The following ERBB4 variants were observed in gnomAD, a reference collection of about 807,000 sequenced individuals.
ERBB4 encodes the protein erb-b2 receptor tyrosine kinase 4.
ERBB4 carries 42 observed loss-of-function variants against 158.0 expected under a neutral mutation model. The observed-to-expected ratio is 0.27, with a 90% CI of 0.21 to 0.34. The LOEUF (loss-of-function observed/expected upper bound fraction) is 0.34. Among genes scored for constraint, ERBB4 ranks in the 10% least tolerant of loss-of-function variants. The pLI, the probability that ERBB4 is intolerant of heterozygous loss-of-function variation, is 1.00. For missense variants in ERBB4, 1,333 were observed against 1,624.1 expected, an observed-to-expected ratio of 0.82 and a Z score of 3.08; for synonymous variants, 583 against 558.7, an observed-to-expected ratio of 1.04 and a Z score of -0.61.
chr2:212,263,573 A>C (rs2085021471), intron 1 of ERBB4, among the ~76,000 whole-genome samples: 4 of 152,150 alleles, frequency 2.6e-5, no homozygotes, highest in African/African-American at 9.7e-5. Flanking sequence ...CAACATGGGA[A>C]AATAAATGAT....
chr2:211,573,552 C>G (rs2067800121), intron 19 of ERBB4, among the ~76,000 whole-genome samples: 1 of 152,046 alleles, frequency 6.6e-6, no homozygotes, highest in Admixed American at 6.6e-5. Context: ...AGCCTGTAGT[C>G]CCAGCTACCC....
At chr2:211,581,604 A>G (rs2068106554) in intron 19 of ERBB4, among the ~76,000 whole-genome samples, 1 of 152,136 alleles carries the variant, frequency 6.6e-6, no homozygotes, top group Admixed American at 6.6e-5. Flanking sequence ...TTTACCTCCA[A>G]TATGAGTAGA....
rs77707574 is a variant in ERBB4 at position 212,118,080 on chromosome 2, G to A, written c.234+6672C>T. 8.7e-3 allele frequency among the ~76,000 whole-genome samples: 1,317 copies of A among 152,220 alleles called. 20 individuals carry two copies. Among genetic ancestry groups the A allele is most frequent in the African/African-American group, 0.03 (1,253 of 41,542 alleles). On this transcript the variant is annotated intron_variant, in intron 2 of 27. Transcript: ENST00000342788. ...AGTTAAAAGTACATGAGGAAGATAT[G>A]GAAAACAGACACAAACATAAAAACC...
chr2:211,799,536 A>G (rs921904622), intron 3 of ERBB4, among the ~76,000 whole-genome samples: 6 of 152,194 alleles, frequency 3.9e-5, no homozygotes, highest in African/African-American at 1.2e-4. Context: ...AGAAATTGAT[A>G]TCTGCAGGGG....
intron 2 of ERBB4, 49 bp from the exon 3 acceptor site, chr2:211,947,665 C>G (rs2125139048): frequency 2.0e-6 from 3 of 1,494,604 alleles, no homozygotes; most frequent in East Asian, 4.6e-5. Flanking sequence ...ATTTGTCACT[C>G]TGTATATGTA....
At chr2:211,659,160 C>T (rs2071328722) in intron 15 of ERBB4, among the ~76,000 whole-genome samples, 1 of 147,670 alleles carries the variant, frequency 6.8e-6, no homozygotes, top group African/African-American at 2.5e-5. Context: ...TATAATATAC[C>T]TATAATACCA....
intron 1 of ERBB4, among the ~76,000 whole-genome samples, chr2:212,339,184 G>C (rs1014719783): frequency 2.0e-5 from 3 of 151,838 alleles, no homozygotes; most frequent in African/African-American, 7.3e-5. Flanking sequence ...ACCTCATCAG[G>C]CCCAGTGTGT....
At chr2:211,983,661 G>C (rs1056309225) in intron 2 of ERBB4, among the ~76,000 whole-genome samples, 2 of 152,012 alleles carry the variant, frequency 1.3e-5, no homozygotes, top group African/African-American at 4.8e-5. Context: ...AGAAATAAAA[G>C]AAAACACTGA....
At chr2:212,522,787 A>G (rs971035108) in intron 1 of ERBB4, among the ~76,000 whole-genome samples, 1 of 152,024 alleles carries the variant, frequency 6.6e-6, no homozygotes, top group African/African-American at 2.4e-5. Flanking sequence ...GATTTGTCCA[A>G]TTACATAACT....
chr2:211,898,278 T>C (rs977221046), intron 3 of ERBB4, among the ~76,000 whole-genome samples: 1 of 152,178 alleles, frequency 6.6e-6, no homozygotes, highest in African/African-American at 2.4e-5. Context: ...CTAAGATAGT[T>C]TAATCATTTT....
chr2:211,664,718 G>T (rs2071559717), intron 15 of ERBB4, among the ~76,000 whole-genome samples: 1 of 151,926 alleles, frequency 6.6e-6, no homozygotes, highest in Non-Finnish European at 1.5e-5. Flanking sequence ...AATTTACCAA[G>T]CTTCAGATTG....
At chr2:212,402,720 C>T (rs1447114288) in intron 1 of ERBB4, among the ~76,000 whole-genome samples, 3 of 151,936 alleles carry the variant, frequency 2.0e-5, no homozygotes, top group Non-Finnish European at 4.4e-5. Context: ...AAAAAAACAA[C>T]TGCATGTGTA....
chr2:211,582,689 A>G (rs1487630284), intron 19 of ERBB4, among the ~76,000 whole-genome samples: 1 of 152,218 alleles, frequency 6.6e-6, no homozygotes, highest in Non-Finnish European at 1.5e-5. Context: ...TACAAATGGT[A>G]TGAAAAACCC....
intron 5 of ERBB4, among the ~76,000 whole-genome samples, chr2:211,731,876 A>G (rs75907487): frequency 6.6e-6 from 1 of 152,300 alleles, no homozygotes; most frequent in Non-Finnish European, 1.5e-5. Flanking sequence ...CTTCCAAAGG[A>G]GAATAATTGA....
At chr2:212,045,212 C>A (rs891748330) in intron 2 of ERBB4, among the ~76,000 whole-genome samples, 2 of 152,126 alleles carry the variant, frequency 1.3e-5, no homozygotes, top group Admixed American at 6.6e-5. Context: ...GTAATCCCAG[C>A]GCTTTGGGAG....
intron 20 of ERBB4, among the ~76,000 whole-genome samples, chr2:211,484,523 C>T (rs950829662): frequency 1.3e-5 from 2 of 152,020 alleles, no homozygotes; most frequent in East Asian, 1.9e-4. Flanking sequence ...AAAATTATAA[C>T]GTGCTAACAA....
chr2:211,673,099 A>G, intron 14 of ERBB4, 65 bp downstream of exon 14: 1 of 1,213,458 alleles, frequency 8.2e-7, no homozygotes, highest in Non-Finnish European at 1.2e-6. Flanking sequence ...AAATGATAAA[A>G]TAATAACAAA....
At chr2:212,410,770 A>C (rs752141694) in intron 1 of ERBB4, among the ~76,000 whole-genome samples, 47 of 152,112 alleles carry the variant, frequency 3.1e-4, no homozygotes, top group Non-Finnish European at 5.7e-4. Context: ...GATTATTTAA[A>C]ATGCTGGTGA....
At chr2:212,288,694 T>G (rs181708909) in intron 1 of ERBB4, among the ~76,000 whole-genome samples, 82 of 152,260 alleles carry the variant, frequency 5.4e-4, no homozygotes, top group African/African-American at 1.9e-3. Flanking sequence ...TAATTTGTCA[T>G]GGTTGTGTGA....
Sources: gnomAD v4.1 joint callset for allele counts (sites outside exome capture counted in the v4.1 genomes callset) on GRCh38, gnomAD v4.1.1 for gene constraint, MANE v1.5 for transcripts, NCBI Gene and HGNC (gene_info 2026-07-23, HGNC 2026-07-21) for gene names.